WNT7A: variants seen among roughly 807,000 people sequenced by gnomAD.
WNT7A encodes Wnt family member 7A.
A neutral mutation model predicts 28.2 loss-of-function variants in WNT7A; 16 were observed. The ratio of observed to expected loss-of-function variants is 0.57; its 90% confidence interval spans 0.38 to 0.86. WNT7A has a LOEUF of 0.86. WNT7A is among the 40% of genes least tolerant of loss of function. The pLI, the probability that WNT7A is intolerant of heterozygous loss-of-function variation, is 0.00. For missense variants in WNT7A, 411 were observed against 489.7 expected (o/e 0.84, Z 1.52); for synonymous variants, 190 against 195.9 (o/e 0.97, Z 0.25).
At chr3:13,837,699 G>A (rs924234106) in intron 3 of WNT7A, among the ~76,000 whole-genome samples, 12 of 152,310 alleles carry the variant, frequency 7.9e-5, no homozygotes, top group Middle Eastern at 6.8e-3. Flanking sequence ...GGACACAGGC[G>A]ACGATGCTCT....
At chr3:13,852,708 G>A (rs1041773928) in intron 3 of WNT7A, among the ~76,000 whole-genome samples, 2 of 152,106 alleles carry the variant, frequency 1.3e-5, no homozygotes, top group African/African-American at 2.4e-5. Context: ...CTGGCTGAGT[G>A]GTGTGTGTGG....
At position 13,817,391 on chromosome 3, in the gene WNT7A, G is replaced by T. The variant is rs192142296; in HGVS notation, c.*1553C>A. The T allele has an allele frequency of 1.7e-4, 26 of 151,212 alleles. 1 individual carries two copies. The highest frequency in any genetic ancestry group is 1.5e-3 in the Admixed American group (23 of 15,086). The allele number at this position is 151,212 out of a possible 1,614,324, so 9.4% of individuals were successfully genotyped here. On this transcript the variant is annotated 3_prime_UTR_variant, in exon 4 of 4. Coordinates refer to ENST00000285018, the MANE Select transcript of WNT7A (RefSeq NM_004625.4). ...GAGGCGCTGCAAGGCGCAAAGTCAC[G>T]TGACTACACTCAAGTCCCTAAGAAG...
intron 2 of WNT7A, among the ~76,000 whole-genome samples, chr3:13,861,336 T>G (rs1470924453): frequency 1.3e-5 from 2 of 152,138 alleles, no homozygotes; most frequent in Non-Finnish European, 2.9e-5. Flanking sequence ...AATCCTGCCT[T>G]CCCCTCCACC....
At chr3:13,857,020 T>C (rs1290677179) in intron 2 of WNT7A, among the ~76,000 whole-genome samples, 1 of 145,634 alleles carries the variant, frequency 6.9e-6, no homozygotes, top group Non-Finnish European at 1.5e-5. Context: ...AGAAAACATC[T>C]CTGAGTAACA....
chr3:13,835,301 C>T (rs1166007283), intron 3 of WNT7A, among the ~76,000 whole-genome samples: 4 of 152,134 alleles, frequency 2.6e-5, no homozygotes, highest in African/African-American at 2.4e-5. Flanking sequence ...AAAGGTCCTG[C>T]GATGCAGGAA....
intron 2 of WNT7A, 69 bp from the exon 3 acceptor site, chr3:13,854,872 G>GC: frequency 6.3e-7 from 1 of 1,591,360 alleles, no homozygotes. Flanking sequence ...GGCTGGGCCT[G>GC]ACTGAAGAGT....
intron 3 of WNT7A, among the ~76,000 whole-genome samples, chr3:13,834,781 G>A (rs187996098): frequency 4.6e-4 from 70 of 152,184 alleles, no homozygotes; most frequent in African/African-American, 1.4e-3. Context: ...CCCCTGCCCC[G>A]GCTTGTTTTG....
chr3:13,878,265 A>G (rs1412448737), intron 1 of WNT7A, among the ~76,000 whole-genome samples: 1 of 151,648 alleles, frequency 6.6e-6, no homozygotes. Context: ...CTCCCCCGCC[A>G]CCCGTGTCCC....
intron 2 of WNT7A, among the ~76,000 whole-genome samples, chr3:13,856,920 GAAGAA>G (rs1694746780): frequency 1.1e-5 from 1 of 94,800 alleles, no homozygotes; most frequent in East Asian, 5.0e-4. Context: ...AGAAGAAGAA[GAAGAA>G]GAAGAAGAAG....
chr3:13,857,332 A>C (rs962968079), intron 2 of WNT7A, among the ~76,000 whole-genome samples: 10 of 152,236 alleles, frequency 6.6e-5, no homozygotes, highest in African/African-American at 2.4e-4. Flanking sequence ...CCAGGCTTTG[A>C]GTGCTGCTGA....
chr3:13,861,896 C>T (rs1296500829), intron 2 of WNT7A, among the ~76,000 whole-genome samples: 1 of 152,216 alleles, frequency 6.6e-6, no homozygotes, highest in Non-Finnish European at 1.5e-5. Flanking sequence ...TCACCTCCCC[C>T]ATGCCCTCCT....
intron 3 of WNT7A, among the ~76,000 whole-genome samples, chr3:13,836,918 C>A (rs1172008005): frequency 2.6e-5 from 4 of 152,140 alleles, no homozygotes; most frequent in Non-Finnish European, 5.9e-5. Context: ...CAGTGGCAGC[C>A]CCAGGTAGGA....
rs1428568751 is a variant in WNT7A, at chr3:13,856,877, AGAG to A, written c.299-2077_299-2075del. 1.9e-3 allele frequency among the ~76,000 whole-genome samples: 246 copies of A among 131,034 alleles called. 1 individual carries two copies. The highest frequency in any genetic ancestry group is 0.013 in the South Asian group (43 of 3,252). The allele number at this position is 131,034 out of a possible 152,430, so 86.0% of individuals were successfully genotyped here. Reference sequence around the variant, plus strand: ...AAGAAGAGGAAGAGGAAGAGGAAGAAGAGGAAGAAGAAGAAAAAGAAGAAGAAG... The same window carrying A: ...AAGAAGAGGAAGAGGAAGAGGAAGAAGAAGAAGAAGAAAAAGAAGAAGAAG... On this transcript the variant is annotated intron_variant, in intron 2 of 3. Coordinates refer to ENST00000285018, the MANE Select transcript of WNT7A (RefSeq NM_004625.4).
At chr3:13,856,942 A>AAGAAGGAGAAGG (rs1559303307) in intron 2 of WNT7A, among the ~76,000 whole-genome samples, 6 of 112,770 alleles carry the variant, frequency 5.3e-5, no homozygotes, top group African/African-American at 2.7e-4. Context: ...GAAGAAGAAG[A>AAGAAGGAGAAGG]AGAAGAAGAA....
At chr3:13,821,723 A>AT (rs1438517046) in intron 3 of WNT7A, among the ~76,000 whole-genome samples, 1 of 152,164 alleles carries the variant, frequency 6.6e-6, no homozygotes, top group Non-Finnish European at 1.5e-5. Context: ...ACAAAACTGG[A>AT]TAGTATTGTT....
rs147929266 is a variant in WNT7A at position 13,830,155 on chromosome 3, C to G, written c.571-10732G>C. Among the ~76,000 whole-genome samples the G allele has an allele frequency of 3.3e-3, 500 of 152,236 alleles. 3 individuals carry two copies. The highest frequency in any genetic ancestry group is 0.012 in the African/African-American group (479 of 41,538). On this transcript the variant is annotated intron_variant, in intron 3 of 3. Coordinates refer to ENST00000285018, the MANE Select transcript of WNT7A (RefSeq NM_004625.4). ...ATGCTCAGACCCCAGCCACCCTCCC[C>G]CAAGCAGGAGGCTCGTTCCTGAACC...
chr3:13,862,564 G>C (rs1464505199), intron 2 of WNT7A, among the ~76,000 whole-genome samples: 1 of 152,278 alleles, frequency 6.6e-6, no homozygotes, highest in Non-Finnish European at 1.5e-5. Flanking sequence ...TGGCATGGCA[G>C]TTCATAGCCC....
At position 13,819,313 on chromosome 3, in the gene WNT7A, C is replaced by T. The variant is rs79543742; in HGVS notation, c.681G>A (p.Val227=). 1.6e-3 allele frequency: 2,622 copies of T among 1,613,470 alleles called. 44 individuals are homozygous for T. In the African/African-American group the frequency reaches 0.03, roughly 19 times the overall value. ...TLPQFRELGY[V]LKDKYNEAVH... ...CGGCCTCGTTGTACTTGTCCTTGAG[C>T]ACGTAGCCCAGCTCCCGAAACTGTG... Residue 227 remains valine, a synonymous_variant, in exon 4 of 4, where the codon GTG becomes GTA. Transcript: ENST00000285018.
intron 2 of WNT7A, among the ~76,000 whole-genome samples, chr3:13,859,722 TG>T (rs1443304085): frequency 3.9e-5 from 6 of 152,012 alleles, no homozygotes; most frequent in Admixed American, 1.3e-4. Flanking sequence ...TAAATAGCAG[TG>T]GAATGAATAA....
Sources: allele counts gnomAD v4.1 joint callset (sites outside exome capture counted in the v4.1 genomes callset), GRCh38; gene constraint gnomAD v4.1.1; transcripts MANE v1.5; gene names NCBI Gene and HGNC (gene_info 2026-07-23, HGNC 2026-07-21).